The following LPAR1 variants were observed in gnomAD, a reference collection of about 807,000 sequenced individuals.
LPAR1 encodes the protein lysophosphatidic acid receptor 1, also known as LPA receptor 1.
In LPAR1, 5 loss-of-function variants were observed where a neutral mutation model predicts 23.8. The observed-to-expected ratio is 0.21, with a 90% CI of 0.11 to 0.44. LPAR1 has a LOEUF of 0.44. LPAR1 is among the 20% of genes least tolerant of loss of function. The pLI, the probability that LPAR1 is intolerant of heterozygous loss-of-function variation, is 0.99. For missense variants in LPAR1, 311 were observed against 482.8 expected, an observed-to-expected ratio of 0.64 and a Z score of 3.33; for synonymous variants, 160 against 164.7, an observed-to-expected ratio of 0.97 and a Z score of 0.22.
rs1254070263 is a variant in LPAR1, at chr9:111,011,877, G to T, written c.-182+24245C>A. 2.0e-5 allele frequency among the ~76,000 whole-genome samples: 3 copies of T among 152,314 alleles called. No homozygotes were observed. In the East Asian group the frequency reaches 5.8e-4, roughly 29 times the overall value. ...ACTTTGAAAAATGCTGCTACCGTGAGATGGAAAATAATAATAACTAAAGTC... is the reference window on the plus strand; with the variant it reads ...ACTTTGAAAAATGCTGCTACCGTGATATGGAAAATAATAATAACTAAAGTC... On this transcript the variant is annotated intron_variant, in intron 2 of 5. Transcript: ENST00000683809.
intron 2 of LPAR1, among the ~76,000 whole-genome samples, chr9:110,977,452 A>C (rs1169383799): frequency 6.6e-6 from 1 of 152,176 alleles, no homozygotes; most frequent in East Asian, 1.9e-4. Flanking sequence ...CCAAATACCT[A>C]AAACAAAGTC....
intron 2 of LPAR1, among the ~76,000 whole-genome samples, chr9:110,983,059 G>C (rs886717504): frequency 1.2e-4 from 18 of 152,070 alleles, no homozygotes; most frequent in African/African-American, 4.3e-4. Context: ...AGCACTGCTG[G>C]TGGGACCAAA....
intron 5 of LPAR1, among the ~76,000 whole-genome samples, chr9:110,940,420 G>A (rs2095021319): frequency 6.6e-6 from 1 of 152,218 alleles, no homozygotes; most frequent in South Asian, 2.1e-4. Context: ...TTGGAGCACA[G>A]AGAATTATAG....
intron 5 of LPAR1, among the ~76,000 whole-genome samples, chr9:110,893,701 A>G (rs1393623773): frequency 6.6e-6 from 1 of 152,166 alleles, no homozygotes; most frequent in Admixed American, 6.5e-5. Context: ...AAACTGATGG[A>G]AAAAAAGTCC....
rs1177147179 is a variant in LPAR1, at chr9:110,874,716, T to C, written c.*705A>G. On this transcript the variant is annotated 3_prime_UTR_variant, in exon 6 of 6. Transcript: ENST00000683809. ...CCCTGTTTTATACTTGTTACAACATTTTAATTAAACAGTTAATATTGTGAT... is the reference window on the plus strand; with the variant it reads ...CCCTGTTTTATACTTGTTACAACATCTTAATTAAACAGTTAATATTGTGAT... 6.6e-6 allele frequency: 1 copy of C among 152,644 alleles called. No individual in the cohort carries two copies. Among genetic ancestry groups the C allele is most frequent in the Non-Finnish European group, 1.5e-5 (1 of 68,024 alleles). 9.5% of individuals were successfully genotyped at this position (152,644 alleles called of 1,614,324 possible). A position where few individuals can be genotyped will look rare whatever the true frequency, so the allele number is the denominator to read the frequency against.
At chr9:110,879,453 T>C (rs1476393065) in intron 5 of LPAR1, among the ~76,000 whole-genome samples, 1 of 134,846 alleles carries the variant, frequency 7.4e-6, no homozygotes, top group Non-Finnish European at 1.6e-5. Flanking sequence ...GATGAAGAAG[T>C]GTGGTTATTT....
At chr9:110,876,364 T>C (rs1000011489) in intron 5 of LPAR1, among the ~76,000 whole-genome samples, 2 of 152,256 alleles carry the variant, frequency 1.3e-5, no homozygotes, top group African/African-American at 4.8e-5. Context: ...CATGGGCCTG[T>C]TTGGAAATTG....
chr9:110,887,649 C>A (rs891858351), intron 5 of LPAR1, among the ~76,000 whole-genome samples: 1 of 152,162 alleles, frequency 6.6e-6, no homozygotes, highest in Non-Finnish European at 1.5e-5. Context: ...GCTTCGGCTA[C>A]AGAATTCCAG....
At chr9:110,915,047 T>A (rs1002921216) in intron 5 of LPAR1, among the ~76,000 whole-genome samples, 1 of 152,010 alleles carries the variant, frequency 6.6e-6, no homozygotes, top group African/African-American at 2.4e-5. Context: ...GTCTAGGAGG[T>A]CTCTCATTTA....
intron 2 of LPAR1, among the ~76,000 whole-genome samples, chr9:110,996,717 G>A (rs1186108692): frequency 1.3e-5 from 2 of 152,272 alleles, no homozygotes; most frequent in African/African-American, 4.8e-5. Context: ...CAGTGCTGGG[G>A]GCAAGGGATA....
intron 2 of LPAR1, among the ~76,000 whole-genome samples, chr9:111,035,683 T>C (rs2097880420): frequency 6.6e-6 from 1 of 152,180 alleles, no homozygotes; most frequent in African/African-American, 2.4e-5. Context: ...ATAAATAATG[T>C]TCCTCAAGGG....
chr9:110,921,121 A>G (rs1422696273), intron 5 of LPAR1, among the ~76,000 whole-genome samples: 1 of 152,132 alleles, frequency 6.6e-6, no homozygotes, highest in Non-Finnish European at 1.5e-5. Context: ...GTGACAGAGC[A>G]AAACCCTGTT....
At chr9:110,911,853 T>A (rs746997569) in intron 5 of LPAR1, among the ~76,000 whole-genome samples, 29 of 152,176 alleles carry the variant, frequency 1.9e-4, no homozygotes, top group Non-Finnish European at 3.5e-4. Flanking sequence ...ATCTGCAATA[T>A]CTCCAAGGTA....
At chr9:110,929,698 A>ATGTGTGTGTGTGTGTGTGTG (rs71371696) in intron 5 of LPAR1, among the ~76,000 whole-genome samples, 1 of 146,242 alleles carries the variant, frequency 6.8e-6, no homozygotes, top group African/African-American at 2.5e-5. Context: ...CCAGCCAATA[A>ATGTGTGTGTGTGTGTGTGTG]TGTGTGTGTG....
intron 5 of LPAR1, among the ~76,000 whole-genome samples, chr9:110,906,446 A>G (rs895801699): frequency 1.3e-5 from 2 of 152,260 alleles, no homozygotes; most frequent in Non-Finnish European, 2.9e-5. Flanking sequence ...CATTAAGAGT[A>G]TCATCTCCAT....
intron 2 of LPAR1, among the ~76,000 whole-genome samples, chr9:111,010,753 C>T (rs1240002191): frequency 6.6e-6 from 1 of 152,120 alleles, no homozygotes; most frequent in Non-Finnish European, 1.5e-5. Context: ...TTCCATGTGA[C>T]TTTAAATGTA....
intron 2 of LPAR1, among the ~76,000 whole-genome samples, chr9:111,017,615 T>C (rs994039237): frequency 3.9e-5 from 6 of 152,230 alleles, no homozygotes; most frequent in Non-Finnish European, 7.3e-5. Context: ...TTTTAATTCT[T>C]TGCTATTCAT....
intron 2 of LPAR1, among the ~76,000 whole-genome samples, chr9:110,992,955 T>C (rs2096925166): frequency 6.6e-6 from 1 of 152,080 alleles, no homozygotes; most frequent in Non-Finnish European, 1.5e-5. Context: ...ACAAATCAAA[T>C]TGTATACTTT....
chr9:110,970,860 G>A (rs2096395668), intron 4 of LPAR1, among the ~76,000 whole-genome samples: 1 of 152,198 alleles, frequency 6.6e-6, no homozygotes, highest in African/African-American at 2.4e-5. Context: ...CCGAGGCCGG[G>A]CACAGTGGCT....
Sources: allele counts gnomAD v4.1 joint callset (sites outside exome capture counted in the v4.1 genomes callset), GRCh38; gene constraint gnomAD v4.1.1; transcripts MANE v1.5; gene names NCBI Gene and HGNC (gene_info 2026-07-23, HGNC 2026-07-21).